KCNB2: variants seen among roughly 807,000 people sequenced by gnomAD.
The protein encoded by KCNB2 is delayed rectifier potassium channel protein.
KCNB2 carries 15 observed loss-of-function variants against 61.5 expected under a neutral mutation model. That is an observed-to-expected ratio of 0.24 (90% CI 0.16 to 0.38). KCNB2 has a LOEUF of 0.38. KCNB2 is among the 10% of genes least tolerant of loss of function. The pLI is 1.00. For missense variants in KCNB2, 828 were observed against 1,125.2 expected (o/e 0.74, Z 3.78); for synonymous variants, 457 against 446.0 (o/e 1.02, Z -0.31).
chr8:72,916,987 A>G (rs886457846), intron 2 of KCNB2, among the ~76,000 whole-genome samples: 2 of 152,218 alleles, frequency 1.3e-5, no homozygotes, highest in African/African-American at 4.8e-5. Context: ...AAAAGGCAAC[A>G]TTCGAGCTGG....
intron 2 of KCNB2, among the ~76,000 whole-genome samples, chr8:72,892,796 A>G (rs965746878): frequency 6.6e-6 from 1 of 152,130 alleles, no homozygotes; most frequent in African/African-American, 2.4e-5. Context: ...TTACCCAGGG[A>G]AAATTTTCCA....
chr8:72,550,308 C>G (rs537784262), intron 1 of KCNB2, among the ~76,000 whole-genome samples: 15 of 152,312 alleles, frequency 9.8e-5, no homozygotes, highest in Non-Finnish European at 2.2e-4. Context: ...TTGTAGCCAG[C>G]TTTTTACAGG....
At chr8:72,730,643 T>C (rs1227700806) in intron 2 of KCNB2, among the ~76,000 whole-genome samples, 1 of 152,212 alleles carries the variant, frequency 6.6e-6, no homozygotes, top group Non-Finnish European at 1.5e-5. Flanking sequence ...CTTTCTTAGA[T>C]ACTTTTACTT....
At position 72,938,250 on chromosome 8, in the gene KCNB2, A is replaced by G. The variant is rs1425525359; in HGVS notation, c.*159A>G. On this transcript the variant is annotated 3_prime_UTR_variant, in exon 3 of 3. Transcript: ENST00000523207. Reference sequence around the variant, plus strand: ...TGCATGGCATGAACAGTTTAGCTTAAGTACTGTTTAAATAATGAGTCAAGA... The same window carrying G: ...TGCATGGCATGAACAGTTTAGCTTAGGTACTGTTTAAATAATGAGTCAAGA... The G allele has an allele frequency of 4.9e-6, 3 of 607,318 alleles. No individual in the cohort carries two copies. Among genetic ancestry groups the G allele is most frequent in the East Asian group, 2.8e-5 (1 of 35,968 alleles). 37.6% of individuals were successfully genotyped at this position (607,318 alleles called of 1,614,324 possible).
intron 2 of KCNB2, among the ~76,000 whole-genome samples, chr8:72,589,956 G>A (rs550358998): frequency 9.9e-5 from 15 of 152,120 alleles, no homozygotes; most frequent in Admixed American, 4.6e-4. Flanking sequence ...TCCTTTTATC[G>A]CTTTTATATT....
intron 2 of KCNB2, among the ~76,000 whole-genome samples, chr8:72,653,704 G>GCTATAA (rs1324525039): frequency 1.3e-5 from 2 of 152,106 alleles, no homozygotes; most frequent in Non-Finnish European, 2.9e-5. Context: ...CTGCTTCCAT[G>GCTATAA]CTATAACAGC....
intron 2 of KCNB2, among the ~76,000 whole-genome samples, chr8:72,731,718 A>G (rs1255974359): frequency 6.6e-6 from 1 of 152,240 alleles, no homozygotes; most frequent in Admixed American, 6.5e-5. Flanking sequence ...CAGGACAACA[A>G]TGAGAAATGA....
chr8:72,905,004 C>G (rs1806151953), intron 2 of KCNB2, among the ~76,000 whole-genome samples: 1 of 152,044 alleles, frequency 6.6e-6, no homozygotes, highest in Non-Finnish European at 1.5e-5. Context: ...GTGAACTCTT[C>G]CACAAGATCT....
intron 2 of KCNB2, among the ~76,000 whole-genome samples, chr8:72,795,474 A>AT (rs1359569636): frequency 6.6e-6 from 1 of 152,210 alleles, no homozygotes; most frequent in Non-Finnish European, 1.5e-5. Context: ...ATGGTAAGCT[A>AT]TTTTTTAAAG....
At chr8:72,909,251 A>G (rs1806237068) in intron 2 of KCNB2, among the ~76,000 whole-genome samples, 1 of 152,218 alleles carries the variant, frequency 6.6e-6, no homozygotes, top group East Asian at 1.9e-4. Context: ...ACGTGGTCCC[A>G]CAGGACATGT....
At chr8:72,894,611 C>A (rs1805956745) in intron 2 of KCNB2, among the ~76,000 whole-genome samples, 1 of 144,156 alleles carries the variant, frequency 6.9e-6, no homozygotes, top group Non-Finnish European at 1.6e-5. Flanking sequence ...ACATTTGAAA[C>A]CTTCATCAAT....
chr8:72,640,898 A>G (rs1806045060), intron 2 of KCNB2, among the ~76,000 whole-genome samples: 1 of 152,138 alleles, frequency 6.6e-6, no homozygotes, highest in African/African-American at 2.4e-5. Flanking sequence ...CGAAAATGGT[A>G]TAAAAGTAAA....
chr8:72,725,575 G>A (rs78774628), intron 2 of KCNB2, among the ~76,000 whole-genome samples: 912 of 80,300 alleles, frequency 0.011, 17 homozygotes, highest in Middle Eastern at 0.051. Context: ...GTATATATAT[G>A]TATATATATA....
chr8:72,613,563 T>TC (rs1445630538), intron 2 of KCNB2, among the ~76,000 whole-genome samples: 1 of 152,182 alleles, frequency 6.6e-6, no homozygotes, highest in African/African-American at 2.4e-5. Context: ...TCACTATGTA[T>TC]TAAGATCTGA....
At chr8:72,777,801 A>T (rs537612322) in intron 2 of KCNB2, among the ~76,000 whole-genome samples, 1 of 151,780 alleles carries the variant, frequency 6.6e-6, no homozygotes, top group Admixed American at 6.5e-5. Flanking sequence ...GACAAGAAAC[A>T]TATATATCAC....
chr8:72,631,664 C>A (rs1805884472), intron 2 of KCNB2, among the ~76,000 whole-genome samples: 1 of 152,176 alleles, frequency 6.6e-6, no homozygotes. Flanking sequence ...CCCATAACAG[C>A]ATTGTAATTA....
intron 2 of KCNB2, among the ~76,000 whole-genome samples, chr8:72,927,333 C>T (rs1438701632): frequency 6.6e-6 from 1 of 151,540 alleles, no homozygotes; most frequent in African/African-American, 2.4e-5. Context: ...TGCAGTGGTG[C>T]GATCTTGGCT....
chr8:72,539,211 A>G (rs1806157331), intron 1 of KCNB2, among the ~76,000 whole-genome samples: 2 of 152,182 alleles, frequency 1.3e-5, no homozygotes, highest in Admixed American at 6.6e-5. Context: ...AATTTGGCAC[A>G]TTACACATGT....
chr8:72,627,362 T>A (rs1046754734), intron 2 of KCNB2, among the ~76,000 whole-genome samples: 8 of 152,140 alleles, frequency 5.3e-5, no homozygotes, highest in African/African-American at 1.7e-4. Context: ...CAAATTTGAT[T>A]TTTTTCTGTA....
Sources: gnomAD v4.1 joint callset for allele counts (sites outside exome capture counted in the v4.1 genomes callset) on GRCh38, gnomAD v4.1.1 for gene constraint, MANE v1.5 for transcripts, NCBI Gene and HGNC (gene_info 2026-07-23, HGNC 2026-07-21) for gene names.